Variants in CPNE4 observed in about 807,000 individuals in gnomAD.
CPNE4 encodes copine-4.
A neutral mutation model predicts 67.9 loss-of-function variants in CPNE4; 25 were observed. The ratio of observed to expected loss-of-function variants is 0.37; its 90% CI spans 0.27 to 0.51. The LOEUF (loss-of-function observed/expected upper bound fraction) is 0.51, where lower values mean the gene tolerates loss of function less well. CPNE4 is among the 20% of genes least tolerant of loss of function. The pLI, the probability that CPNE4 is intolerant of heterozygous loss-of-function variation, is 0.93. For synonymous variants in CPNE4, 242 were observed against 244.9 expected (o/e 0.99, Z 0.11); for missense variants, 464 against 690.8 (o/e 0.67, Z 3.68).
At chr3:131,639,734 T>A (rs1269976322) in intron 7 of CPNE4, among the ~76,000 whole-genome samples, 1 of 152,108 alleles carries the variant, frequency 6.6e-6, no homozygotes, top group African/African-American at 2.4e-5. Context: ...ATATCCCTGA[T>A]GAACATAGAT....
intron 2 of CPNE4, among the ~76,000 whole-genome samples, chr3:131,730,558 G>A (rs907882067): frequency 1.3e-5 from 2 of 152,180 alleles, no homozygotes; most frequent in Admixed American, 1.3e-4. Flanking sequence ...TGTGGCAGAA[G>A]TAATTAACTT....
intron 2 of CPNE4, among the ~76,000 whole-genome samples, chr3:131,767,786 ATT>A (rs2083060979): frequency 6.6e-6 from 1 of 151,554 alleles, no homozygotes; most frequent in African/African-American, 2.4e-5. Flanking sequence ...ATATTTATTT[ATT>A]TATTTATTTA....
intron 1 of CPNE4, among the ~76,000 whole-genome samples, chr3:131,969,827 ATCAGACCTAAGGACC>A (rs1356757273): frequency 3.3e-5 from 5 of 152,244 alleles, no homozygotes; most frequent in African/African-American, 4.8e-5. Context: ...GCACTTTGAA[ATCAGACCTAAGGACC>A]TCAGTTCCAG....
chr3:131,648,014 C>G (rs1025000661), intron 7 of CPNE4, among the ~76,000 whole-genome samples: 1 of 152,092 alleles, frequency 6.6e-6, no homozygotes, highest in Admixed American at 6.6e-5. Flanking sequence ...ATTTTTCTCC[C>G]CCATCCCAGG....
intron 2 of CPNE4, among the ~76,000 whole-genome samples, chr3:131,830,608 GACAACCCTAATC>G (rs2085331252): frequency 6.6e-6 from 1 of 152,086 alleles, no homozygotes; most frequent in Admixed American, 6.6e-5. Flanking sequence ...AGCCTGCTCA[GACAACCCTAATC>G]ACAACCCTAA....
intron 2 of CPNE4, among the ~76,000 whole-genome samples, chr3:131,870,593 C>G (rs563145990): frequency 6.6e-6 from 1 of 152,274 alleles, no homozygotes; most frequent in East Asian, 1.9e-4. Context: ...CCACTTCTTT[C>G]TCCCCTTCTC....
intron 2 of CPNE4, among the ~76,000 whole-genome samples, chr3:131,853,108 G>A (rs1013388257): frequency 6.6e-6 from 1 of 151,766 alleles, no homozygotes; most frequent in Admixed American, 6.6e-5. Flanking sequence ...CATGTGATCT[G>A]TAAGAGCCAA....
chr3:131,872,149 A>G (rs1034225861), intron 2 of CPNE4, among the ~76,000 whole-genome samples: 2 of 151,896 alleles, frequency 1.3e-5, no homozygotes, highest in Non-Finnish European at 2.9e-5. Flanking sequence ...AACAGAATCA[A>G]TAGGATGTAT....
rs140938533 is a variant in CPNE4 at position 131,667,089 on chromosome 3, A to G, written c.681+2586T>C. 3.2e-3 allele frequency among the ~76,000 whole-genome samples: 486 copies of G among 152,300 alleles called. 1 individual carries two copies. Among genetic ancestry groups the G allele is most frequent in the African/African-American group, 0.01 (423 of 41,576 alleles). ...TGAAGTATTTTCTGATGAGATGACA[A>G]GATGTTTGGGATAGGAACACAGTGT... On this transcript the variant is annotated intron_variant, in intron 7 of 15. Transcript: ENST00000429747.
At chr3:131,688,079 T>C (rs1479298571) in intron 5 of CPNE4, among the ~76,000 whole-genome samples, 1 of 152,184 alleles carries the variant, frequency 6.6e-6, no homozygotes, top group Non-Finnish European at 1.5e-5. Flanking sequence ...GGGGAATCAT[T>C]GAAGGATTTT....
intron 1 of CPNE4, among the ~76,000 whole-genome samples, chr3:131,979,881 G>T (rs1463461635): frequency 6.6e-6 from 1 of 152,024 alleles, no homozygotes; most frequent in Non-Finnish European, 1.5e-5. Flanking sequence ...TTCTTGTAGG[G>T]GTGGCTTGGT....
intron 2 of CPNE4, among the ~76,000 whole-genome samples, chr3:131,839,437 A>G (rs568699252): frequency 2.0e-5 from 3 of 151,018 alleles, no homozygotes; most frequent in Non-Finnish European, 4.4e-5. Context: ...ATATTAAAAT[A>G]TATTTATATT....
At chr3:132,018,544 C>T (rs1277833690) in intron 1 of CPNE4, among the ~76,000 whole-genome samples, 1 of 150,390 alleles carries the variant, frequency 6.6e-6, no homozygotes, top group Admixed American at 6.6e-5. Flanking sequence ...GACTTTCTTC[C>T]CCTAGCACCC....
At position 131,669,752 on chromosome 3, in the gene CPNE4, T is replaced by C; in HGVS notation, c.604A>G (p.Asn202Asp). The change falls in exon 7 of 16, where the codon AAC becomes GAC. Residue 202 changes from asparagine to aspartate, a missense_variant. By Grantham distance (23) the Asn-to-Asp change is conservative. Coordinates refer to ENST00000429747, the MANE Select transcript of CPNE4 (RefSeq NM_130808.3). ...AATGATTTCCAGGCTGGGCTTAAGT[T>C]ATTCATCACAACCTGGGAAAAGAAA... The part of the protein sequence containing the change: ...LVHRTEVVMN[N>D]LSPAWKSFKV... 2 of 1,613,536 alleles carry C rather than the reference T, an allele frequency of 1.2e-6. No individual in the cohort carries two copies. Among genetic ancestry groups the C allele is most frequent in the Non-Finnish European group, 1.7e-6 (2 of 1,179,556 alleles).
intron 2 of CPNE4, among the ~76,000 whole-genome samples, chr3:131,739,954 G>A (rs1216013354): frequency 6.6e-6 from 1 of 152,222 alleles, no homozygotes; most frequent in East Asian, 1.9e-4. Context: ...GAATGTCAAA[G>A]CGACTTGCCC....
chr3:131,951,236 G>A (rs1443748026), intron 1 of CPNE4, among the ~76,000 whole-genome samples: 1 of 152,062 alleles, frequency 6.6e-6, no homozygotes, highest in Admixed American at 6.5e-5. Context: ...TTTATTTCTA[G>A]TTATTATAAA....
intron 6 of CPNE4, among the ~76,000 whole-genome samples, 176 bp downstream of exon 6, chr3:131,685,699 T>A (rs2080872759): frequency 6.6e-6 from 1 of 152,114 alleles, no homozygotes; most frequent in Admixed American, 6.5e-5. Flanking sequence ...GAGAATTGTT[T>A]GAAGCTGGGA....
At chr3:131,926,544 G>T (rs1583464579) in intron 1 of CPNE4, among the ~76,000 whole-genome samples, 1 of 152,102 alleles carries the variant, frequency 6.6e-6, no homozygotes, top group East Asian at 1.9e-4. Flanking sequence ...TCTTGAGAAG[G>T]GGAAGGAGGA....
chr3:131,576,798 G>A (rs534300758), intron 9 of CPNE4, among the ~76,000 whole-genome samples: 5 of 152,102 alleles, frequency 3.3e-5, no homozygotes, highest in Admixed American at 6.6e-5. Context: ...TAGTTTGAAC[G>A]ATTTCAGCAG....
Sources: allele counts gnomAD v4.1 joint callset (sites outside exome capture counted in the v4.1 genomes callset), GRCh38; gene constraint gnomAD v4.1.1; transcripts MANE v1.5; gene names NCBI Gene and HGNC (gene_info 2026-07-23, HGNC 2026-07-21).